IFT80: variants seen among roughly 807,000 people sequenced by gnomAD.
IFT80 encodes the protein intraflagellar transport 80.
In IFT80, 79 loss-of-function variants were observed where a neutral mutation model predicts 107.9. That is an observed-to-expected ratio of 0.73 (90% CI 0.61 to 0.88). IFT80 has a LOEUF of 0.88. Ranked by LOEUF, IFT80 falls within the 40% of genes least tolerant of loss-of-function variation. The pLI is 0.00. For synonymous variants in IFT80, 299 were observed against 300.9 expected (o/e 0.99, Z 0.07); for missense variants, 797 against 914.2 (o/e 0.87, Z 1.65).
chr3:160,382,392 A>AT (rs1289891471), intron 2 of IFT80, among the ~76,000 whole-genome samples: 1 of 152,176 alleles, frequency 6.6e-6, no homozygotes, highest in Non-Finnish European at 1.5e-5. Context: ...TTAGGAAATA[A>AT]TTCAATTATA....
rs776493983 is a variant in IFT80 at position 160,279,218 on chromosome 3, G to A, written c.1811C>T (p.Ala604Val). Residue 604 changes from alanine (A) to valine (V), a missense_variant, in exon 16 of 20, where the codon GCT (alanine) becomes GTT (valine). Coordinates refer to ENST00000326448, the MANE Select transcript of IFT80 (RefSeq NM_020800.3). The part of the protein sequence containing the change: ...EYVSSSKWED[A>V]VRLCRFVKEQ... ...CTTAACAAAGCGACAAAGTCTCACA[G>A]CATCTTCCCATTTTGAACTGCTTAC... 6.2e-7 allele frequency: 1 copy of A among 1,613,388 alleles called. No homozygotes were observed. The highest frequency in any genetic ancestry group is 8.5e-7 in the Non-Finnish European group (1 of 1,179,500).
At chr3:160,292,505 A>T (rs994435834) in intron 12 of IFT80, among the ~76,000 whole-genome samples, 1 of 118,604 alleles carries the variant, frequency 8.4e-6, no homozygotes, top group Non-Finnish European at 1.6e-5. Context: ...TTTGAGACGG[A>T]GTCTCGCTCT....
At chr3:160,361,789 C>A (rs377364696) in intron 6 of IFT80, among the ~76,000 whole-genome samples, 1 of 151,962 alleles carries the variant, frequency 6.6e-6, no homozygotes, top group South Asian at 2.1e-4. Flanking sequence ...GGGTACATAA[C>A]GAAATGAAGG....
At chr3:160,357,465 G>C in intron 7 of IFT80, 24 bp downstream of exon 7, 1 of 1,191,432 alleles carries the variant, frequency 8.4e-7, no homozygotes, top group African/African-American at 1.5e-5. Context: ...TTTCAGCCAA[G>C]TGATAAATCT....
intron 6 of IFT80, among the ~76,000 whole-genome samples, chr3:160,360,074 T>C (rs1485999450): frequency 6.6e-6 from 1 of 152,200 alleles, no homozygotes; most frequent in Non-Finnish European, 1.5e-5. Flanking sequence ...AAGGAGCATG[T>C]CCTAAGCCAT....
intron 12 of IFT80, chr3:160,299,328 A>G (rs1576772123): frequency 1.4e-6 from 1 of 698,880 alleles, no homozygotes; most frequent in South Asian, 2.8e-5. Flanking sequence ...TCCTGCCAGT[A>G]TAAGAGGTGC....
intron 3 of IFT80, among the ~76,000 whole-genome samples, chr3:160,380,058 G>A (rs1488164268): frequency 6.8e-6 from 1 of 147,948 alleles, no homozygotes; most frequent in Non-Finnish European, 1.5e-5. Flanking sequence ...TTTTGAGACG[G>A]AGTCTTGCTC....
intron 4 of IFT80, among the ~76,000 whole-genome samples, chr3:160,376,800 G>A (rs186328523): frequency 6.6e-6 from 1 of 152,292 alleles, no homozygotes; most frequent in East Asian, 1.9e-4. Context: ...ATTAATTAAG[G>A]TCTCCTGTCA....
chr3:160,258,468 C>T lies in IFT80; in HGVS notation c.*57G>A. The T allele has an allele frequency of 6.2e-7, 1 of 1,609,000 alleles. No homozygotes were observed. On this transcript the variant is annotated 3_prime_UTR_variant, in exon 20 of 20. Transcript: ENST00000326448. ...CTTTAGCAACCAAAACATGCTTACC[C>T]TTGGTTAATCAGAACGTGTTTCAAA...
chr3:160,292,168 C>A (rs575235524), intron 12 of IFT80, among the ~76,000 whole-genome samples: 1 of 152,286 alleles, frequency 6.6e-6, no homozygotes, highest in East Asian at 1.9e-4. Flanking sequence ...TTTACTTAAC[C>A]AGTGGTAGCC....
intron 5 of IFT80, among the ~76,000 whole-genome samples, chr3:160,372,185 A>AAG (rs2108388143): frequency 6.6e-6 from 1 of 152,328 alleles, no homozygotes; most frequent in South Asian, 2.1e-4. Context: ...CACATAGACA[A>AAG]AGTCACATGG....
intron 12 of IFT80, among the ~76,000 whole-genome samples, chr3:160,288,384 C>T (rs929500693): frequency 6.6e-5 from 10 of 151,984 alleles, no homozygotes; most frequent in African/African-American, 2.4e-4. Context: ...ACTATAAAAA[C>T]CCTGGAAGAC....
intron 17 of IFT80, 35 bp downstream of exon 17, chr3:160,277,546 A>G: frequency 6.3e-7 from 1 of 1,580,408 alleles, no homozygotes; most frequent in Non-Finnish European, 8.7e-7. Flanking sequence ...CTAAGAAAAA[A>G]CACATGTACA....
chr3:160,345,463 G>T lies in IFT80; in HGVS notation c.777+10550C>A, dbSNP rs188483904. 1.1e-4 allele frequency among the ~76,000 whole-genome samples: 16 copies of T among 152,194 alleles called. No individual in the cohort carries two copies. In the East Asian group the frequency reaches 2.5e-3, roughly 24 times the overall value. ...GCACTTTGGGAGGCCAAGGTGGGTG[G>T]ATCGCTTAAGGTCAAGAGTTCGAGA... On this transcript the variant is annotated intron_variant, in intron 8 of 19. Coordinates refer to ENST00000326448, the MANE Select transcript of IFT80 (RefSeq NM_020800.3).
At chr3:160,352,916 C>T (rs1487749028) in intron 8 of IFT80, among the ~76,000 whole-genome samples, 1 of 152,168 alleles carries the variant, frequency 6.6e-6, no homozygotes, top group African/African-American at 2.4e-5. Flanking sequence ...TGTACTACAA[C>T]AGCTCCTAAT....
Position 160,310,692 on chromosome 3 carries a change from G to C in IFT80, c.958-2911C>G, listed in dbSNP as rs577941302. On this transcript the variant is annotated intron_variant, in intron 9 of 19. Coordinates refer to ENST00000326448, the MANE Select transcript of IFT80 (RefSeq NM_020800.3). ...TAGATGAATCAGGTTTATAATACCTGAACACGCTGATCAAATCTTAATACC... is the reference window on the plus strand; with the variant it reads ...TAGATGAATCAGGTTTATAATACCTCAACACGCTGATCAAATCTTAATACC... Among the ~76,000 whole-genome samples the C allele has an allele frequency of 2.0e-5, 3 of 152,248 alleles. No homozygotes were observed. The East Asian group carries it at 5.8e-4, about 29-fold the overall frequency.
intron 3 of IFT80, among the ~76,000 whole-genome samples, chr3:160,379,649 T>A (rs1239313721): frequency 6.6e-6 from 1 of 152,176 alleles, no homozygotes; most frequent in African/African-American, 2.4e-5. Flanking sequence ...TGAATCTGGA[T>A]AAAGGACATG....
At chr3:160,266,414 A>C (rs1713329856) in intron 19 of IFT80, among the ~76,000 whole-genome samples, 1 of 136,742 alleles carries the variant, frequency 7.3e-6, no homozygotes, top group Admixed American at 8.2e-5. Context: ...TTCTGACAGG[A>C]TCTCACTCTG....
At chr3:160,323,903 G>A (rs183592500) in intron 8 of IFT80, among the ~76,000 whole-genome samples, 1 of 152,022 alleles carries the variant, frequency 6.6e-6, no homozygotes, top group Non-Finnish European at 1.5e-5. Context: ...AAGAAAAAAA[G>A]AGAGAAGAAT....
Sources: gnomAD v4.1 joint callset for allele counts (sites outside exome capture counted in the v4.1 genomes callset) on GRCh38, gnomAD v4.1.1 for gene constraint, MANE v1.5 for transcripts, NCBI Gene and HGNC (gene_info 2026-07-23, HGNC 2026-07-21) for gene names.